Variants in IPCEF1 observed in about 807,000 individuals in gnomAD.
The protein encoded by IPCEF1 is interaction protein for cytohesin exchange factors 1.
Under a neutral mutation model 50.9 loss-of-function variants are expected in IPCEF1, and 31 were observed. The ratio of observed to expected loss-of-function variants is 0.61; its 90% CI spans 0.46 to 0.82. IPCEF1 has a LOEUF of 0.82. Ranked by LOEUF, IPCEF1 falls within the 40% of genes least tolerant of loss-of-function variation. The pLI, the probability that IPCEF1 is intolerant of heterozygous loss-of-function variation, is 0.00. For missense variants in IPCEF1, 458 were observed against 514.0 expected (o/e 0.89, Z 1.05); for synonymous variants, 181 against 192.0 (o/e 0.94, Z 0.47).
chr6:154,163,643 C>T (rs1182293526), intron 11 of IPCEF1, among the ~76,000 whole-genome samples: 1 of 152,140 alleles, frequency 6.6e-6, no homozygotes, highest in African/African-American at 2.4e-5. Context: ...AGACTGTTTA[C>T]ACATGTAGAC....
intron 1 of IPCEF1, among the ~76,000 whole-genome samples, chr6:154,328,618 T>A (rs1182439262): frequency 6.6e-6 from 1 of 152,036 alleles, no homozygotes; most frequent in Non-Finnish European, 1.5e-5. Context: ...GTTAAGGAAA[T>A]CCTTCAATGG....
intron 10 of IPCEF1, among the ~76,000 whole-genome samples, chr6:154,170,398 T>C (rs923382796): frequency 3.3e-5 from 5 of 152,112 alleles, no homozygotes; most frequent in Non-Finnish European, 5.9e-5. Flanking sequence ...CCAAGCAAAC[T>C]TCACATGCCT....
At chr6:154,275,254 G>A (rs1489252825) in intron 2 of IPCEF1, among the ~76,000 whole-genome samples, 1 of 152,188 alleles carries the variant, frequency 6.6e-6, no homozygotes, top group East Asian at 1.9e-4. Flanking sequence ...TCAAAAGTTT[G>A]TACTGTCCTC....
intron 10 of IPCEF1, among the ~76,000 whole-genome samples, chr6:154,188,275 T>C (rs1216211382): frequency 6.6e-6 from 1 of 152,194 alleles, no homozygotes. Flanking sequence ...ATGAAATATA[T>C]AGAACTAAAT....
At chr6:154,219,562 G>A (rs1050186003) in intron 7 of IPCEF1, among the ~76,000 whole-genome samples, 8 of 152,028 alleles carry the variant, frequency 5.3e-5, no homozygotes, top group African/African-American at 1.7e-4. Flanking sequence ...GCTAGCGGGC[G>A]AGACCTTGTG....
chr6:154,166,329 C>T (rs1199867068), intron 11 of IPCEF1, among the ~76,000 whole-genome samples: 2 of 152,214 alleles, frequency 1.3e-5, no homozygotes, highest in African/African-American at 4.8e-5. Flanking sequence ...GATCTAGAAT[C>T]CTGAGTCTGC....
At chr6:154,315,860 C>A (rs2128683595) in intron 1 of IPCEF1, among the ~76,000 whole-genome samples, 1 of 152,132 alleles carries the variant, frequency 6.6e-6, no homozygotes, top group East Asian at 1.9e-4. Flanking sequence ...GACAGTCTCA[C>A]TCTGTCACCC....
chr6:154,336,697 A>G (rs961319892), intron 1 of IPCEF1, among the ~76,000 whole-genome samples: 2 of 152,076 alleles, frequency 1.3e-5, no homozygotes, highest in Non-Finnish European at 2.9e-5. Context: ...TCGACTGCTC[A>G]GTCTCAAGCT....
At chr6:154,266,560 C>CTATATATATATATATATATA (rs34187257) in intron 2 of IPCEF1, among the ~76,000 whole-genome samples, 8 of 134,822 alleles carry the variant, frequency 5.9e-5, no homozygotes, top group South Asian at 2.5e-4. Context: ...CTTAATATTA[C>CTATATATATATATATATATA]TATATATATA....
At chr6:154,163,334 A>C (rs553952712) in intron 11 of IPCEF1, among the ~76,000 whole-genome samples, 1 of 152,320 alleles carries the variant, frequency 6.6e-6, no homozygotes, top group Non-Finnish European at 1.5e-5. Flanking sequence ...CTTTTGCCTG[A>C]AATATTCGGC....
chr6:154,318,311 G>A (rs971338576), intron 1 of IPCEF1, among the ~76,000 whole-genome samples: 2 of 152,116 alleles, frequency 1.3e-5, no homozygotes, highest in African/African-American at 2.4e-5. Flanking sequence ...CTAATGACCT[G>A]TGCCTTTCAC....
chr6:154,342,069 A>G (rs1373477056), intron 1 of IPCEF1, among the ~76,000 whole-genome samples: 2 of 152,166 alleles, frequency 1.3e-5, no homozygotes, highest in Non-Finnish European at 2.9e-5. Flanking sequence ...CTCCCATAGA[A>G]AGGCAAAAGG....
chr6:154,295,337 G>T lies in IPCEF1; in HGVS notation c.-61-5581C>A, dbSNP rs544670159. ...AGGTGGTGCTGTTCTTACAAATGAA[G>T]ACCACTGCCCTGGCATCTGCCGCTG... On this transcript the variant is annotated intron_variant, in intron 1 of 11. Coordinates refer to ENST00000367220, the MANE Select transcript of IPCEF1 (RefSeq NM_001130700.2). Among the ~76,000 whole-genome samples, 6 of 152,274 alleles carry T rather than the reference G, an allele frequency of 3.9e-5. No homozygotes were observed. In the East Asian group the frequency reaches 1.2e-3, roughly 29 times the overall value.
Position 154,263,930 on chromosome 6 carries a change from C to A in IPCEF1, c.36+1982G>T, listed in dbSNP as rs1336909075. Reference sequence around the variant, plus strand: ...CGGCTGGCCGGGCAGAGGGACTCCTCACTTCCCAGTAGGGGCGGCCGGGCA... The same window carrying A: ...CGGCTGGCCGGGCAGAGGGACTCCTAACTTCCCAGTAGGGGCGGCCGGGCA... On this transcript the variant is annotated intron_variant, in intron 3 of 11. Transcript: ENST00000367220. Among the ~76,000 whole-genome samples the A allele has an allele frequency of 1.9e-4, 24 of 128,478 alleles. 1 individual carries two copies. The highest frequency in any genetic ancestry group is 6.5e-4 in the African/African-American group (24 of 36,682). 84.3% of individuals were successfully genotyped at this position (128,478 alleles called of 152,430 possible).
chr6:154,262,323 G>T (rs546159326), intron 3 of IPCEF1, among the ~76,000 whole-genome samples: 21 of 152,208 alleles, frequency 1.4e-4, no homozygotes, highest in Non-Finnish European at 2.8e-4. Flanking sequence ...ATGGCTTTAG[G>T]TCGGGAATTA....
chr6:154,193,050 G>A (rs7743181), intron 10 of IPCEF1, among the ~76,000 whole-genome samples: 101,768 of 152,032 alleles, frequency 0.67, 34,636 homozygotes, highest in East Asian at 0.89. Context: ...GTCATTATAC[G>A]AAGAAGGATA....
intron 1 of IPCEF1, among the ~76,000 whole-genome samples, chr6:154,333,515 G>A (rs190973619): frequency 3.3e-5 from 5 of 151,708 alleles, no homozygotes; most frequent in Non-Finnish European, 7.4e-5. Flanking sequence ...GGGACCTTGT[G>A]ATCGTGGGAG....
At chr6:154,202,920 G>A (rs554060940) in intron 9 of IPCEF1, among the ~76,000 whole-genome samples, 22 of 152,278 alleles carry the variant, frequency 1.4e-4, no homozygotes, top group African/African-American at 4.8e-4. Context: ...AAATGAGAAA[G>A]TGACTACATA....
rs2128554157 is a variant in IPCEF1 at position 154,168,382 on chromosome 6, A to C, written c.911-269T>G. Among the ~76,000 whole-genome samples the C allele has an allele frequency of 6.6e-6, 1 of 152,264 alleles. No homozygotes were observed. Among genetic ancestry groups the C allele is most frequent in the African/African-American group, 2.4e-5 (1 of 41,540 alleles). ...TTCAAGTGGTTTTTTGGTTTGTGGC[A>C]GTATAACTCCAATATTCACATGGGG... On this transcript the variant is annotated intron_variant, in intron 10 of 11. Transcript: ENST00000367220. This position sits in a 1 kb window ranked among gnomAD's most constrained non-coding sequence, Gnocchi z 4.1.
Sources: allele counts gnomAD v4.1 joint callset (sites outside exome capture counted in the v4.1 genomes callset), GRCh38; gene constraint gnomAD v4.1.1; non-coding constraint Gnocchi (gnomAD v3.1); transcripts MANE v1.5; gene names NCBI Gene and HGNC (gene_info 2026-07-23, HGNC 2026-07-21).